The following GPR21 variants were observed in gnomAD, a reference collection of about 807,000 sequenced individuals.
GPR21 encodes the protein probable G protein-coupled receptor 21.
Under a neutral mutation model 21.5 loss-of-function variants are expected in GPR21, and 9 were observed. The observed-to-expected ratio is 0.42, with a 90% CI of 0.25 to 0.73. The LOEUF is 0.73. GPR21 is among the 30% of genes least tolerant of loss of function. The probability of loss-of-function intolerance (pLI) is 0.27; values close to 1 mark genes in which losing one functional copy is unlikely to be tolerated. For synonymous variants in GPR21, 169 were observed against 159.3 expected, an observed-to-expected ratio of 1.06 and a Z score of -0.46; for missense variants, 416 against 428.9, an observed-to-expected ratio of 0.97 and a Z score of 0.27.
chr9:123,046,868 T>G, the GPR21 span, among the ~76,000 whole-genome samples: 140 of 152,314 alleles, frequency 9.2e-4, no homozygotes, highest in African/African-American at 3.2e-3. Context: ...TATAGAATCC[T>G]TAAGTGACAG....
the GPR21 span, among the ~76,000 whole-genome samples, chr9:123,041,506 T>C: frequency 2.6e-5 from 4 of 152,230 alleles, no homozygotes; most frequent in African/African-American, 9.6e-5. Context: ...TACCATTATG[T>C]AAGCCTAGGC....
downstream of GPR21, among the ~76,000 whole-genome samples, chr9:123,037,729 G>C (rs1376088938): frequency 6.6e-6 from 1 of 152,152 alleles, no homozygotes. Context: ...ATTTTGTTGT[G>C]TGTGTATGTG....
chr9:123,040,620 A>G (rs886337512), downstream of GPR21, among the ~76,000 whole-genome samples: 5 of 152,072 alleles, frequency 3.3e-5, no homozygotes, highest in Non-Finnish European at 7.4e-5. Flanking sequence ...GGTGCTTTTT[A>G]TATCCCCAGC....
At chr9:123,047,923 T>G in the GPR21 span, among the ~76,000 whole-genome samples, 1 of 53,558 alleles carries the variant, frequency 1.9e-5, no homozygotes, top group South Asian at 5.2e-4. Context: ...TGCTGGGTTT[T>G]TTTTTTTTTT....
At chr9:123,047,381 C>T in the GPR21 span, among the ~76,000 whole-genome samples, 2 of 152,044 alleles carry the variant, frequency 1.3e-5, no homozygotes, top group Non-Finnish European at 2.9e-5. Context: ...TGTCTAGTAA[C>T]TTTTAAAGTA....
the GPR21 span, among the ~76,000 whole-genome samples, chr9:123,041,800 T>C: frequency 6.6e-6 from 1 of 152,166 alleles, no homozygotes; most frequent in African/African-American, 2.4e-5. Flanking sequence ...TACTTGGGAA[T>C]TGGATTGCTA....
chr9:123,044,513 CTGTT>C, the GPR21 span, among the ~76,000 whole-genome samples: 1 of 152,060 alleles, frequency 6.6e-6, no homozygotes, highest in Non-Finnish European at 1.5e-5. Flanking sequence ...CCATAGGTGT[CTGTT>C]TGGAACTTTT....
chr9:123,047,836 G>C, the GPR21 span, among the ~76,000 whole-genome samples: 1 of 149,632 alleles, frequency 6.7e-6, no homozygotes, highest in African/African-American at 2.5e-5. Flanking sequence ...TTACATGACT[G>C]GTATCATTCA....
At chr9:123,048,844 T>C in the GPR21 span, among the ~76,000 whole-genome samples, 1 of 152,166 alleles carries the variant, frequency 6.6e-6, no homozygotes, top group African/African-American at 2.4e-5. Flanking sequence ...GAATCAACAA[T>C]AGCAAACCAG....
chr9:123,048,436 C>G, the GPR21 span, among the ~76,000 whole-genome samples: 518 of 152,278 alleles, frequency 3.4e-3, 1 homozygote, highest in South Asian at 4.8e-3. Context: ...ACTTGGTCCT[C>G]TGTGTGTCTG....
chr9:123,035,043 G>A lies in GPR21; in HGVS notation c.477G>A (p.Leu159=). The part of the protein sequence containing the change: ...CIFLIWLYST[L]VFLPSFFHWG... ...TCCTGATTTGGCTATACTCGACCCTGGTCTTCCTGCCTTCCTTTTTCCACT... is the reference window on the plus strand; with the variant it reads ...TCCTGATTTGGCTATACTCGACCCTAGTCTTCCTGCCTTCCTTTTTCCACT... Residue 159 remains leucine (L), a synonymous_variant, in exon 2 of 2, where the codon CTG becomes CTA. Coordinates refer to ENST00000616002, the MANE Select transcript of GPR21 (RefSeq NM_005294.3). 1 of 1,613,944 alleles carries A rather than the reference G, an allele frequency of 6.2e-7. No individual in the cohort carries two copies. Among genetic ancestry groups the A allele is most frequent in the Non-Finnish European group, 8.5e-7 (1 of 1,179,870 alleles).
the GPR21 span, among the ~76,000 whole-genome samples, chr9:123,044,868 C>G: frequency 6.6e-6 from 1 of 152,034 alleles, no homozygotes. Flanking sequence ...CCCCAGACCC[C>G]CTCCTTGAAT....
At chr9:123,042,097 G>A in the GPR21 span, among the ~76,000 whole-genome samples, 1 of 152,198 alleles carries the variant, frequency 6.6e-6, no homozygotes. Flanking sequence ...TTGCAAACAT[G>A]ACTGCTGTAA....
chr9:123,040,891 C>G, the GPR21 span, among the ~76,000 whole-genome samples: 1 of 152,110 alleles, frequency 6.6e-6, no homozygotes, highest in Non-Finnish European at 1.5e-5. Context: ...ATCATTTGGT[C>G]TGATTCTGTT....
the GPR21 span, among the ~76,000 whole-genome samples, chr9:123,044,003 C>G: frequency 6.6e-6 from 1 of 150,788 alleles, no homozygotes; most frequent in South Asian, 2.1e-4. Context: ...CGGGTTCAGG[C>G]CATTCTCCTG....
downstream of GPR21, among the ~76,000 whole-genome samples, chr9:123,040,607 T>C (rs1333837564): frequency 6.6e-6 from 1 of 152,184 alleles, no homozygotes; most frequent in African/African-American, 2.4e-5. Flanking sequence ...TCTTTCTCTT[T>C]AAGGTGCTTT....
the GPR21 span, among the ~76,000 whole-genome samples, chr9:123,041,847 A>C: frequency 6.6e-6 from 1 of 152,322 alleles, no homozygotes; most frequent in South Asian, 2.1e-4. Context: ...AAAAACAAGA[A>C]TTGATAGAAG....
In GPR21 at chr9:123,034,618, G is replaced by A. The variant is rs201170939; in HGVS notation, c.52G>A (p.Ala18Thr). Residue 18 changes from alanine to threonine, a missense_variant, in exon 2 of 2, where the codon GCA (alanine) becomes ACA (threonine). Coordinates refer to ENST00000616002, the MANE Select transcript of GPR21 (RefSeq NM_005294.3). ...GAGCAGCCACCCTTTTTGCCTCTTG[G>A]CATTTGGCTATTTGGAAACTGTCAA... Reference protein sequence around the residue: ...NQSSHPFCLLAFGYLETVNFC... With the variant: ...NQSSHPFCLLTFGYLETVNFC... 3 of 1,611,872 alleles carry A rather than the reference G, an allele frequency of 1.9e-6. No individual in the cohort carries two copies. The highest frequency in any genetic ancestry group is 2.2e-5 in the South Asian group (2 of 90,718).
chr9:123,042,709 A>G, the GPR21 span, among the ~76,000 whole-genome samples: 2 of 152,222 alleles, frequency 1.3e-5, no homozygotes, highest in South Asian at 2.1e-4. Flanking sequence ...CAGGGAACCC[A>G]ATAGCTGACT....
Sources: gnomAD v4.1 joint callset for allele counts (sites outside exome capture counted in the v4.1 genomes callset) on GRCh38, gnomAD v4.1.1 for gene constraint, MANE v1.5 for transcripts, NCBI Gene and HGNC (gene_info 2026-07-23, HGNC 2026-07-21) for gene names.